Variants in PABPC4L observed in about 807,000 individuals in gnomAD.
The protein encoded by PABPC4L is poly(A) binding protein cytoplasmic 4 like, also known as polyadenylate-binding protein 4-like.
For missense variants in PABPC4L, 452 were observed against 451.4 expected (o/e 1.00, Z -0.01); for synonymous variants, 169 against 164.1 (o/e 1.03, Z -0.23).
At chr4:134,120,041 ATTCT>A in the PABPC4L span, among the ~76,000 whole-genome samples, 11 of 151,792 alleles carry the variant, frequency 7.2e-5, no homozygotes, top group African/African-American at 2.6e-4. Flanking sequence ...TGCTCTGGAC[ATTCT>A]TTCACATATT....
chr4:133,967,727 C>G, the PABPC4L span, among the ~76,000 whole-genome samples: 16 of 152,124 alleles, frequency 1.1e-4, no homozygotes, highest in Non-Finnish European at 8.8e-5. Context: ...TACTATTGAA[C>G]AAAGGCTAGA....
the PABPC4L span, among the ~76,000 whole-genome samples, chr4:134,125,319 T>A: frequency 6.6e-6 from 1 of 152,008 alleles, no homozygotes; most frequent in Admixed American, 6.6e-5. Flanking sequence ...CTCTTTTTTT[T>A]TTATTATTAT....
chr4:133,986,379 C>T, the PABPC4L span, among the ~76,000 whole-genome samples: 4 of 151,528 alleles, frequency 2.6e-5, no homozygotes, highest in Admixed American at 2.6e-4. Flanking sequence ...TAAAATGAAG[C>T]ACATTGATGA....
chr4:134,010,811 G>A, the PABPC4L span: 11 of 152,148 alleles, frequency 7.2e-5, no homozygotes, highest in Admixed American at 2.0e-4. Flanking sequence ...GCAATTTTTT[G>A]AAGTACTGTT....
the PABPC4L span, among the ~76,000 whole-genome samples, chr4:134,104,188 C>A: frequency 5.1e-4 from 78 of 151,838 alleles, no homozygotes; most frequent in Middle Eastern, 3.4e-3. Context: ...CTCTAGGCAG[C>A]CTCAAACTTC....
the PABPC4L span, among the ~76,000 whole-genome samples, chr4:134,045,018 T>C: frequency 1.3e-5 from 2 of 152,190 alleles, no homozygotes; most frequent in East Asian, 3.8e-4. Context: ...AGGTTGGTAT[T>C]TATAACTTTG....
chr4:134,071,146 C>A, the PABPC4L span, among the ~76,000 whole-genome samples: 2 of 152,152 alleles, frequency 1.3e-5, no homozygotes, highest in African/African-American at 4.8e-5. Flanking sequence ...GGCAAGAGCA[C>A]GTTGCTCAAC....
chr4:134,155,811 G>T, the PABPC4L span, among the ~76,000 whole-genome samples: 1 of 151,726 alleles, frequency 6.6e-6, no homozygotes, highest in African/African-American at 2.4e-5. Context: ...AAAGTCAAAT[G>T]AGCTAACTCT....
chr4:134,050,744 A>G, the PABPC4L span, among the ~76,000 whole-genome samples: 1 of 151,412 alleles, frequency 6.6e-6, no homozygotes, highest in South Asian at 2.1e-4. Context: ...GACAACACGT[A>G]AGGATATACT....
chr4:134,015,699 T>C, the PABPC4L span, among the ~76,000 whole-genome samples: 284 of 152,252 alleles, frequency 1.9e-3, 1 homozygote, highest in African/African-American at 6.5e-3. Flanking sequence ...CTTTCCTTCC[T>C]AGGCATGGTT....
the PABPC4L span, among the ~76,000 whole-genome samples, chr4:134,059,837 C>G: frequency 1.3e-5 from 2 of 151,998 alleles, no homozygotes; most frequent in Non-Finnish European, 2.9e-5. Context: ...ACAGGAATAC[C>G]AAATTTAACA....
chr4:134,011,840 T>C, the PABPC4L span, among the ~76,000 whole-genome samples: 1 of 152,248 alleles, frequency 6.6e-6, no homozygotes, highest in Non-Finnish European at 1.5e-5. Context: ...CTTAAGCAAA[T>C]ACTTAAGCAG....
the PABPC4L span, among the ~76,000 whole-genome samples, chr4:134,136,723 G>T: frequency 6.6e-6 from 1 of 151,858 alleles, no homozygotes; most frequent in Non-Finnish European, 1.5e-5. Context: ...TATTTGCAGC[G>T]ACTATGATCA....
the PABPC4L span, among the ~76,000 whole-genome samples, chr4:134,037,321 C>T: frequency 0.013 from 1,993 of 152,134 alleles, 27 homozygotes; most frequent in Admixed American, 0.022. Flanking sequence ...AGATTCCTTT[C>T]AGCAGTGTTT....
the PABPC4L span, among the ~76,000 whole-genome samples, chr4:134,007,918 T>C: frequency 6.6e-6 from 1 of 151,780 alleles, no homozygotes; most frequent in African/African-American, 2.4e-5. Context: ...TACTATGTCA[T>C]ATTTTAAAAG....
chr4:134,072,233 C>T, the PABPC4L span, among the ~76,000 whole-genome samples: 1 of 152,088 alleles, frequency 6.6e-6, no homozygotes, highest in East Asian at 1.9e-4. Context: ...CCTTTTAGTT[C>T]CAGTTCTCTC....
chr4:134,166,697 C>A, the PABPC4L span, among the ~76,000 whole-genome samples: 1 of 152,150 alleles, frequency 6.6e-6, no homozygotes, highest in African/African-American at 2.4e-5. Context: ...AGAAACAGAT[C>A]ACAAATTAAG....
At chr4:133,985,559 GA>G in the PABPC4L span, among the ~76,000 whole-genome samples, 8 of 151,656 alleles carry the variant, frequency 5.3e-5, no homozygotes, top group Admixed American at 1.3e-4. Context: ...AAAACTGAAA[GA>G]AAAAAAGAAG....
At chr4:133,996,281 T>C in the PABPC4L span, among the ~76,000 whole-genome samples, 1 of 152,208 alleles carries the variant, frequency 6.6e-6, no homozygotes, top group East Asian at 1.9e-4. Flanking sequence ...GAGATGTTAT[T>C]GGGACCTGTT....
Sources: gnomAD v4.1 joint callset for allele counts (sites outside exome capture counted in the v4.1 genomes callset) on GRCh38, gnomAD v4.1.1 for gene constraint, MANE v1.5 for transcripts, NCBI Gene and HGNC (gene_info 2026-07-23, HGNC 2026-07-21) for gene names.